Variants in MIA2 observed in about 807,000 individuals in gnomAD.
The protein encoded by MIA2 is MIA SH3 domain ER export factor 2, also known as melanoma inhibitory activity protein 2.
MIA2 carries 127 observed loss-of-function variants against 167.8 expected under a neutral mutation model. The ratio of observed to expected loss-of-function variants is 0.76; its 90% CI spans 0.66 to 0.88. The LOEUF (loss-of-function observed/expected upper bound fraction) is 0.88. MIA2 is among the 40% of genes least tolerant of loss of function. The pLI, the probability that MIA2 is intolerant of heterozygous loss-of-function variation, is 0.00. For missense variants in MIA2, 1,690 were observed against 1,624.7 expected, an observed-to-expected ratio of 1.04 and a Z score of -0.69; for synonymous variants, 552 against 541.9, an observed-to-expected ratio of 1.02 and a Z score of -0.26.
intron 6 of MIA2, among the ~76,000 whole-genome samples, chr14:39,257,162 C>A (rs547079031): frequency 2.6e-5 from 4 of 152,260 alleles, no homozygotes; most frequent in East Asian, 1.9e-4. Flanking sequence ...TCTCGTTGAT[C>A]TGTCATAATA....
chr14:39,288,475 A>ATATATATATT (rs1294270700), intron 9 of MIA2, among the ~76,000 whole-genome samples: 1 of 50,512 alleles, frequency 2.0e-5, no homozygotes, highest in Non-Finnish European at 3.0e-5. Context: ...ATATATATAT[A>ATATATATATT]TTTTTTTTTT....
At chr14:39,334,791 C>T (rs2069926569) in intron 25 of MIA2, among the ~76,000 whole-genome samples, 1 of 152,158 alleles carries the variant, frequency 6.6e-6, no homozygotes, top group African/African-American at 2.4e-5. Flanking sequence ...TTGTCTCGAA[C>T]TCCTGACCTC....
Position 39,305,597 on chromosome 14 carries a change from A to G in MIA2, c.2878+1216A>G, listed in dbSNP as rs370049072. Among the ~76,000 whole-genome samples, 10 of 152,286 alleles carry G rather than the reference A, an allele frequency of 6.6e-5. No individual in the cohort carries two copies. The East Asian group carries it at 1.9e-3, about 29-fold the overall frequency. ...TAAACTGTTTCTTCCTTTTCTGGTAATCATTTACAGTGGTCTTTATGTTAC... is the reference window on the plus strand; with the variant it reads ...TAAACTGTTTCTTCCTTTTCTGGTAGTCATTTACAGTGGTCTTTATGTTAC... On this transcript the variant is annotated intron_variant, in intron 17 of 28. Coordinates refer to ENST00000640607, the MANE Select transcript of MIA2 (RefSeq NM_001329214.4).
At chr14:39,383,271 CTT>C (rs998909640) in intron 23 of MIA2, among the ~76,000 whole-genome samples, 21 of 152,154 alleles carry the variant, frequency 1.4e-4, no homozygotes, top group African/African-American at 5.1e-4. Context: ...CTGTGTGACA[CTT>C]TGGTAACTCT....
At chr14:39,320,096 TAGA>T (rs964345152) in intron 23 of MIA2, among the ~76,000 whole-genome samples, 1 of 138,978 alleles carries the variant, frequency 7.2e-6, no homozygotes, top group Admixed American at 7.0e-5. Flanking sequence ...GTGAAGTATA[TAGA>T]AGGATTTTTT....
intron 23 of MIA2, among the ~76,000 whole-genome samples, chr14:39,319,539 G>A (rs192734368): frequency 6.6e-6 from 1 of 151,814 alleles, no homozygotes; most frequent in East Asian, 1.9e-4. Flanking sequence ...TACATATTTA[G>A]TACTTTGAGC....
intron 2 of MIA2, among the ~76,000 whole-genome samples, chr14:39,237,475 C>T (rs2152599677): frequency 6.6e-6 from 1 of 152,194 alleles, no homozygotes; most frequent in South Asian, 2.1e-4. Context: ...AGTTTCAAAA[C>T]ACGGTGTATA....
At chr14:39,309,845 AGT>A (rs974961683) in intron 18 of MIA2, among the ~76,000 whole-genome samples, 9 of 151,836 alleles carry the variant, frequency 5.9e-5, no homozygotes, top group African/African-American at 1.2e-4. Context: ...GGAGTGAAGG[AGT>A]GTGTGTGTGT....
intron 24 of MIA2, among the ~76,000 whole-genome samples, chr14:39,321,975 A>G (rs1408354744): frequency 6.6e-6 from 1 of 150,800 alleles, no homozygotes; most frequent in Non-Finnish European, 1.5e-5. Flanking sequence ...GTTTTGCCAC[A>G]TTGGCTGGCC....
intron 12 of MIA2, among the ~76,000 whole-genome samples, chr14:39,294,370 G>C (rs1425179583): frequency 6.6e-6 from 1 of 151,384 alleles, no homozygotes; most frequent in African/African-American, 2.4e-5. Flanking sequence ...GCTAAGTTTT[G>C]TATTTTTAGT....
At chr14:39,364,854 A>AT (rs35633574) in intron 23 of MIA2, among the ~76,000 whole-genome samples, 85,274 of 150,488 alleles carry the variant, frequency 0.57, 25,566 homozygotes, top group African/African-American at 0.78. Context: ...ATGTAACTAG[A>AT]TTTTTTTTTC....
At chr14:39,274,431 CTTT>C (rs547198743) in intron 6 of MIA2, among the ~76,000 whole-genome samples, 3 of 136,966 alleles carry the variant, frequency 2.2e-5, no homozygotes, top group Admixed American at 7.3e-5. Flanking sequence ...TTCTTTTTTT[CTTT>C]TTTTTTTTTT....
At chr14:39,238,814 C>CCA (rs1449183845) in intron 2 of MIA2, among the ~76,000 whole-genome samples, 2 of 30,986 alleles carry the variant, frequency 6.5e-5, no homozygotes, top group Non-Finnish European at 1.3e-4. Context: ...AAAAAAAACC[C>CCA]AAAAAACAAA....
At position 39,252,881 on chromosome 14, in the gene MIA2, C is replaced by G; in HGVS notation, c.1701C>G (p.Asp567Glu). Residue 567 changes from aspartate (D) to glutamate (E), a missense_variant, in exon 5 of 29, where the codon GAC (aspartate) becomes GAG (glutamate). Coordinates refer to ENST00000640607, the MANE Select transcript of MIA2 (RefSeq NM_001329214.4). ...DTEGPALVEI[D>E]RSVENTLLNS... ...AAGGGCCTGCTCTGGTGGAGATAGA[C>G]AGATCTGTGGAAAATACCCTGCTAA... 6.2e-7 allele frequency: 1 copy of G among 1,614,026 alleles called. No individual in the cohort carries two copies. The highest frequency in any genetic ancestry group is 8.5e-7 in the Non-Finnish European group (1 of 1,179,962).
At chr14:39,315,519 T>C (rs1052178146) in intron 20 of MIA2, among the ~76,000 whole-genome samples, 164 bp from the exon 21 acceptor site, 1 of 152,176 alleles carries the variant, frequency 6.6e-6, no homozygotes, top group African/African-American at 2.4e-5. Flanking sequence ...TTTTAAAATA[T>C]AATAGATTAT....
rs529169302 is a variant in MIA2, at chr14:39,311,792, T to C, written c.3018-1548T>C. Among the ~76,000 whole-genome samples, 11 of 147,560 alleles carry C rather than the reference T, an allele frequency of 7.5e-5. No individual in the cohort carries two copies. In the Admixed American group the frequency reaches 7.5e-4, roughly 10 times the overall value. ...GGCATGAGCCACTGTGCCTGGCCCT[T>C]GATGTGTTACTTTAAATATATATGA... is the stretch of plus-strand genomic sequence containing the variant. On this transcript the variant is annotated intron_variant, in intron 18 of 28. Transcript: ENST00000640607.
In MIA2 at chr14:39,308,587, G is replaced by A; in HGVS notation, c.3017G>A (p.Arg1006Lys). The A allele has an allele frequency of 6.5e-7, 1 of 1,544,246 alleles. No homozygotes were observed. The highest frequency in any genetic ancestry group is 8.8e-7 in the Non-Finnish European group (1 of 1,141,352). ...LYQENEMKLH[R>K]KLTVEENYRL... ...CAAGAAAATGAAATGAAACTCCACA[G>A]GTAATAAAAATTATGTTAACTCCAT... The change falls in exon 18 of 29, where the codon AGG becomes AAG. Residue 1006 changes from arginine to lysine, a missense_variant and splice_region_variant. Coordinates refer to ENST00000640607, the MANE Select transcript of MIA2 (RefSeq NM_001329214.4).
chr14:39,257,517 TG>T lies in MIA2; in HGVS notation c.1887+4349del, dbSNP rs1215770931. On this transcript the variant is annotated intron_variant, in intron 6 of 28. Transcript: ENST00000640607. ...GGGTCTCCTGAATACAGCACACTGA[TG>T]GGTCTTGACTCTTTATCCAATTTGC... is the stretch of plus-strand genomic sequence containing the variant. 3.6e-5 allele frequency among the ~76,000 whole-genome samples: 5 copies of T among 139,420 alleles called. 1 individual carries two copies. The East Asian group carries it at 1.3e-3, about 37-fold the overall frequency. 91.5% of individuals were successfully genotyped at this position (139,420 alleles called of 152,430 possible). A position where few individuals can be genotyped will look rare whatever the true frequency, so the allele number is the denominator to read the frequency against.
Position 39,368,073 on chromosome 14 carries a change from A to G in MIA2, c.2249-18812A>G, listed in dbSNP as rs148299525. ...TCTTTGGTGTTCTGACAATCACAAT[A>G]TAATGCATTTACATGTGAGGCTCTT... On this transcript the variant is annotated intron_variant, in intron 23 of 23. Transcript: ENST00000341502. Among the ~76,000 whole-genome samples, 8 of 152,238 alleles carry G rather than the reference A, an allele frequency of 5.3e-5. No individual in the cohort carries two copies. The East Asian group carries it at 1.5e-3, about 29-fold the overall frequency.
Sources: gnomAD v4.1 joint callset for allele counts (sites outside exome capture counted in the v4.1 genomes callset) on GRCh38, gnomAD v4.1.1 for gene constraint, MANE v1.5 for transcripts, NCBI Gene and HGNC (gene_info 2026-07-23, HGNC 2026-07-21) for gene names.